Variants in SCHIP1 observed in about 807,000 individuals in gnomAD.
SCHIP1 encodes schwannomin interacting protein 1, also known as schwannomin-interacting protein 1.
A neutral mutation model predicts 29.7 loss-of-function variants in SCHIP1; 8 were observed. That is an observed-to-expected ratio of 0.27 (90% CI 0.16 to 0.49). The LOEUF is 0.49. Ranked by LOEUF, SCHIP1 falls within the 20% of genes least tolerant of loss-of-function variation. The pLI, the probability that SCHIP1 is intolerant of heterozygous loss-of-function variation, is 0.99. For synonymous variants in SCHIP1, 76 were observed against 94.9 expected (o/e 0.80, Z 1.16); for missense variants, 193 against 294.6 (o/e 0.66, Z 2.52).
the SCHIP1 span, among the ~76,000 whole-genome samples, chr3:159,585,881 T>C: frequency 6.6e-5 from 10 of 152,272 alleles, no homozygotes; most frequent in African/African-American, 2.2e-4. Flanking sequence ...CCTGCTAGGC[T>C]GGAAAAAAAT....
At chr3:159,529,096 A>T in the SCHIP1 span, among the ~76,000 whole-genome samples, 1 of 152,160 alleles carries the variant, frequency 6.6e-6, no homozygotes, top group Non-Finnish European at 1.5e-5. Context: ...ATAACCATAT[A>T]TATATACATT....
the SCHIP1 span, among the ~76,000 whole-genome samples, chr3:159,705,273 A>C: frequency 6.6e-6 from 1 of 151,998 alleles, no homozygotes; most frequent in African/African-American, 2.4e-5. Context: ...CAACAATACA[A>C]TATTTTCAAA....
chr3:159,891,325 C>T (rs1336833841), intron 5 of SCHIP1, among the ~76,000 whole-genome samples: 1 of 151,524 alleles, frequency 6.6e-6, no homozygotes, highest in Non-Finnish European at 1.5e-5. Flanking sequence ...GAGCCGAGAT[C>T]GTGCCACTGC....
chr3:159,521,436 GCTT>G, the SCHIP1 span, among the ~76,000 whole-genome samples: 1 of 152,180 alleles, frequency 6.6e-6, no homozygotes, highest in South Asian at 2.1e-4. Flanking sequence ...TGGATTTATG[GCTT>G]CTTTAGAAAT....
At chr3:159,790,469 G>A in the SCHIP1 span, among the ~76,000 whole-genome samples, 1 of 152,174 alleles carries the variant, frequency 6.6e-6, no homozygotes, top group South Asian at 2.1e-4. Flanking sequence ...CGGATCACTT[G>A]AGGTCAGGAG....
At chr3:159,764,936 A>G in the SCHIP1 span, 1 of 1,500,648 alleles carries the variant, frequency 6.7e-7, no homozygotes, top group African/African-American at 1.5e-5. This position sits in a 1 kb window ranked among gnomAD's most constrained non-coding sequence, Gnocchi z 6.1. Flanking sequence ...CAAAAGCCCC[A>G]GCCGGCTGGG....
chr3:159,838,332 G>A (rs1180807144), upstream of SCHIP1, among the ~76,000 whole-genome samples: 1 of 152,132 alleles, frequency 6.6e-6, no homozygotes, highest in African/African-American at 2.4e-5. Flanking sequence ...ATTTTTAAGA[G>A]AGTGCTTGAT....
At chr3:159,395,243 T>A in the SCHIP1 span, among the ~76,000 whole-genome samples, 18 of 152,276 alleles carry the variant, frequency 1.2e-4, no homozygotes, top group East Asian at 1.3e-3. Flanking sequence ...GCGGTCTATC[T>A]ATTTTGTTGA....
the SCHIP1 span, among the ~76,000 whole-genome samples, chr3:159,704,141 A>C: frequency 5.3e-5 from 8 of 152,294 alleles, no homozygotes; most frequent in African/African-American, 1.4e-4. Context: ...TATCCATACT[A>C]AAATTGCACT....
At chr3:159,432,333 TGTGTGTGAGAGA>T in the SCHIP1 span, among the ~76,000 whole-genome samples, 289 of 82,922 alleles carry the variant, frequency 3.5e-3, no homozygotes, top group Admixed American at 6.4e-3. Context: ...TGTGTGTGTG[TGTGTGTGAGAGA>T]GAGAGAGAGA....
the SCHIP1 span, among the ~76,000 whole-genome samples, chr3:159,644,709 A>G: frequency 6.6e-6 from 1 of 152,132 alleles, no homozygotes; most frequent in Non-Finnish European, 1.5e-5. Context: ...TTAAAAGCTA[A>G]CTTCATTATT....
the SCHIP1 span, among the ~76,000 whole-genome samples, chr3:159,595,395 G>C: frequency 3.9e-5 from 6 of 152,156 alleles, no homozygotes; most frequent in East Asian, 1.2e-3. Flanking sequence ...AAGGGGAGGT[G>C]GGGGGTGAAA....
chr3:159,297,279 T>C, the SCHIP1 span, among the ~76,000 whole-genome samples: 1 of 152,096 alleles, frequency 6.6e-6, no homozygotes, highest in Admixed American at 6.6e-5. Flanking sequence ...GATACCTCTT[T>C]GACACACTGA....
chr3:159,828,388 C>CTATATATATATGTATATATGTAT, the SCHIP1 span, among the ~76,000 whole-genome samples: 110 of 65,350 alleles, frequency 1.7e-3, 1 homozygote, highest in African/African-American at 4.8e-3. Context: ...TATATATATA[C>CTATATATATATGTATATATGTAT]ATATATACGT....
At chr3:159,439,052 T>C in the SCHIP1 span, among the ~76,000 whole-genome samples, 3 of 152,310 alleles carry the variant, frequency 2.0e-5, no homozygotes, top group South Asian at 6.2e-4. Context: ...CGTAGGTCTT[T>C]GAAAAATCAT....
chr3:159,308,116 CTT>C, the SCHIP1 span, among the ~76,000 whole-genome samples: 1 of 151,908 alleles, frequency 6.6e-6, no homozygotes, highest in Non-Finnish European at 1.5e-5. Flanking sequence ...TGAAGAATGA[CTT>C]TGGGAGTTTG....
chr3:159,653,245 C>T, the SCHIP1 span, among the ~76,000 whole-genome samples: 1 of 152,118 alleles, frequency 6.6e-6, no homozygotes, highest in Non-Finnish European at 1.5e-5. Flanking sequence ...TGGGAATATA[C>T]ACAAAGGATT....
At chr3:159,650,802 G>A in the SCHIP1 span, among the ~76,000 whole-genome samples, 2 of 152,174 alleles carry the variant, frequency 1.3e-5, no homozygotes, top group African/African-American at 4.8e-5. Flanking sequence ...TATTGCACTG[G>A]AACGAGGTCA....
the SCHIP1 span, among the ~76,000 whole-genome samples, chr3:159,733,747 G>T: frequency 6.6e-6 from 1 of 152,162 alleles, no homozygotes; most frequent in Non-Finnish European, 1.5e-5. Flanking sequence ...GAATGTTCAT[G>T]AAAAAAGATT....
Sources: allele counts gnomAD v4.1 joint callset (sites outside exome capture counted in the v4.1 genomes callset), GRCh38; gene constraint gnomAD v4.1.1; non-coding constraint Gnocchi (gnomAD v3.1); transcripts MANE v1.5; gene names NCBI Gene and HGNC (gene_info 2026-07-23, HGNC 2026-07-21).